Variants in OR56B2 observed in about 807,000 individuals in gnomAD.
OR56B2 encodes the protein olfactory receptor 56B2.
At chr11:5,761,717 T>C in the OR56B2 span, among the ~76,000 whole-genome samples, 3 of 152,254 alleles carry the variant, frequency 2.0e-5, no homozygotes, top group South Asian at 4.1e-4. Context: ...ACCAGTTTCA[T>C]GGTATTAGGC....
the OR56B2 span, among the ~76,000 whole-genome samples, chr11:5,764,805 C>G: frequency 1.1e-4 from 15 of 139,482 alleles, 3 homozygotes; most frequent in Admixed American, 1.1e-3. Flanking sequence ...GCTCCTGTGA[C>G]TTACTGTAAG....
At chr11:5,767,535 A>T in the OR56B2 span, 1 of 139,650 alleles carries the variant, frequency 7.2e-6, no homozygotes, top group African/African-American at 2.6e-5. Flanking sequence ...TCACTATAAT[A>T]ATTATTTTGC....
At chr11:5,764,355 C>T in the OR56B2 span, among the ~76,000 whole-genome samples, 2 of 140,596 alleles carry the variant, frequency 1.4e-5, 1 homozygote, top group Non-Finnish European at 3.1e-5. Flanking sequence ...TCATCATGGC[C>T]ATATGGCCAT....
chr11:5,766,812 A>G, the OR56B2 span: 2 of 140,102 alleles, frequency 1.4e-5, 1 homozygote, highest in African/African-American at 5.2e-5. Flanking sequence ...TGGCTGTGGA[A>G]GAGTTTGGCA....
At chr11:5,768,033 T>C in the OR56B2 span, among the ~76,000 whole-genome samples, 3 of 138,928 alleles carry the variant, frequency 2.2e-5, 1 homozygote, top group Admixed American at 2.2e-4. Context: ...AGTCACCCAA[T>C]TGTACGTTTT....
At chr11:5,767,418 A>G in the OR56B2 span, 5 of 139,292 alleles carry the variant, frequency 3.6e-5, 1 homozygote, top group East Asian at 8.3e-4. Flanking sequence ...AACCCTATCC[A>G]CACCATAGCA....
the OR56B2 span, among the ~76,000 whole-genome samples, chr11:5,764,926 C>G: frequency 5.7e-5 from 8 of 139,816 alleles, 1 homozygote; most frequent in Admixed American, 5.9e-4. Context: ...ACTGAGTTAT[C>G]ACAGAGAATG....
At chr11:5,763,194 T>C in the OR56B2 span, among the ~76,000 whole-genome samples, 8 of 152,174 alleles carry the variant, frequency 5.3e-5, no homozygotes, top group Non-Finnish European at 2.9e-5. Context: ...ATAATATGTA[T>C]AATTTTATTT....
chr11:5,765,926 C>T, the OR56B2 span: 1 of 139,788 alleles, frequency 7.2e-6, no homozygotes, highest in East Asian at 2.1e-4. Context: ...TGAGAGTTCC[C>T]CTTATTCCAG....
chr11:5,762,057 G>A, the OR56B2 span, among the ~76,000 whole-genome samples: 1 of 152,028 alleles, frequency 6.6e-6, no homozygotes, highest in Non-Finnish European at 1.5e-5. Context: ...TTAATGTTTA[G>A]CAATCATCAA....
At chr11:5,761,548 A>C in the OR56B2 span, among the ~76,000 whole-genome samples, 1 of 152,150 alleles carries the variant, frequency 6.6e-6, no homozygotes, top group African/African-American at 2.4e-5. Flanking sequence ...GGCATATTTT[A>C]TTTTATTAGA....
chr11:5,762,604 G>T, the OR56B2 span, among the ~76,000 whole-genome samples: 5 of 152,128 alleles, frequency 3.3e-5, no homozygotes, highest in South Asian at 1.0e-3. Context: ...CCTAGTATCT[G>T]ATAGATCAGT....
the OR56B2 span, among the ~76,000 whole-genome samples, chr11:5,768,492 G>A: frequency 7.2e-6 from 1 of 138,854 alleles, no homozygotes; most frequent in Non-Finnish European, 1.6e-5. Flanking sequence ...GGTTGATTCC[G>A]TATCTTTCCC....
chr11:5,768,308 G>T, the OR56B2 span, among the ~76,000 whole-genome samples: 2 of 139,246 alleles, frequency 1.4e-5, no homozygotes. Context: ...ACTTAAAAGT[G>T]AGAACATGTG....
chr11:5,768,977 A>G, the OR56B2 span, among the ~76,000 whole-genome samples: 3 of 139,594 alleles, frequency 2.1e-5, 1 homozygote, highest in South Asian at 7.0e-4. Flanking sequence ...TTACCTCTAC[A>G]TTATAGAATT....
the OR56B2 span, among the ~76,000 whole-genome samples, chr11:5,761,889 T>A: frequency 6.6e-6 from 1 of 151,252 alleles, no homozygotes; most frequent in Non-Finnish European, 1.5e-5. Flanking sequence ...GCTAAGACTT[T>A]TGTTGAAGTT....
chr11:5,767,384 C>G, the OR56B2 span: 2 of 139,468 alleles, frequency 1.4e-5, 1 homozygote, highest in African/African-American at 5.3e-5. Flanking sequence ...CAAATTTCAA[C>G]CTGATTTTTG....
the OR56B2 span, among the ~76,000 whole-genome samples, chr11:5,762,088 T>C: frequency 6.6e-6 from 1 of 152,154 alleles, no homozygotes; most frequent in Non-Finnish European, 1.5e-5. Flanking sequence ...TAATCCATTG[T>C]AAGAATAAAT....
At chr11:5,762,103 C>T in the OR56B2 span, among the ~76,000 whole-genome samples, 1 of 151,994 alleles carries the variant, frequency 6.6e-6, no homozygotes, top group Non-Finnish European at 1.5e-5. Flanking sequence ...ATAAATTGTA[C>T]AGTTTTCTTC....
Sources: gnomAD v4.1 joint callset for allele counts (sites outside exome capture counted in the v4.1 genomes callset) on GRCh38, gnomAD v4.1.1 for gene constraint, MANE v1.5 for transcripts, NCBI Gene and HGNC (gene_info 2026-07-23, HGNC 2026-07-21) for gene names.